Variants in DPY19L1 observed in about 807,000 individuals in gnomAD.
DPY19L1 encodes the protein dpy-19 like C-mannosyltransferase 1.
A neutral mutation model predicts 96.9 loss-of-function variants in DPY19L1; 35 were observed. That is an observed-to-expected ratio of 0.36 (90% CI 0.28 to 0.48). DPY19L1 has a LOEUF of 0.48. DPY19L1 is among the 20% of genes least tolerant of loss of function. The pLI is 0.99. For missense variants in DPY19L1, 521 were observed against 777.9 expected (o/e 0.67, Z 3.93); for synonymous variants, 205 against 252.6 (o/e 0.81, Z 1.79).
At chr7:34,982,025 T>C (rs1445907780) in intron 7 of DPY19L1, among the ~76,000 whole-genome samples, 2 of 152,148 alleles carry the variant, frequency 1.3e-5, no homozygotes, top group African/African-American at 2.4e-5. Context: ...CAAATCCAAA[T>C]TGTGAGACGT....
intron 7 of DPY19L1, among the ~76,000 whole-genome samples, chr7:34,984,646 T>G (rs1785010056): frequency 6.6e-6 from 1 of 152,208 alleles, no homozygotes; most frequent in African/African-American, 2.4e-5. Context: ...CACAAATCCA[T>G]AGACACACCA....
intron 13 of DPY19L1, among the ~76,000 whole-genome samples, chr7:34,952,698 A>C (rs1277789270): frequency 6.6e-6 from 1 of 152,168 alleles, no homozygotes; most frequent in Non-Finnish European, 1.5e-5. Context: ...GGTGAGGTTT[A>C]TCCCAGGATA....
At position 35,007,601 on chromosome 7, in the gene DPY19L1, G is replaced by C. The variant is rs543961354; in HGVS notation, c.764+2867C>G. ...ACACACACGTGTGGTGTGTGTGTGT[G>C]TGTGTGTGTATATATATATTTATAG... On this transcript the variant is annotated intron_variant, in intron 6 of 21. Coordinates refer to ENST00000638088, the MANE Select transcript of DPY19L1 (RefSeq NM_001366673.1). Among the ~76,000 whole-genome samples the C allele has an allele frequency of 7.2e-5, 10 of 139,644 alleles. No individual in the cohort carries two copies. The East Asian group carries it at 2.0e-3, about 28-fold the overall frequency. 91.6% of individuals were successfully genotyped at this position (139,644 alleles called of 152,430 possible).
At chr7:35,004,119 G>T (rs573165483) in intron 6 of DPY19L1, among the ~76,000 whole-genome samples, 28 of 152,210 alleles carry the variant, frequency 1.8e-4, no homozygotes, top group African/African-American at 5.3e-4. Context: ...CACATCTCAC[G>T]TATACCATTA....
At chr7:35,027,482 CTCTATT>C (rs1786152172) in intron 1 of DPY19L1, among the ~76,000 whole-genome samples, 1 of 151,920 alleles carries the variant, frequency 6.6e-6, no homozygotes, top group Non-Finnish European at 1.5e-5. Context: ...AAGGAATGTA[CTCTATT>C]AATAGAGATA....
chr7:34,935,419 A>G lies in DPY19L1; in HGVS notation c.2090+2575T>C, dbSNP rs191863080. On this transcript the variant is annotated intron_variant, in intron 21 of 21. Coordinates refer to ENST00000638088, the MANE Select transcript of DPY19L1 (RefSeq NM_001366673.1). ...CAACTCTATTATTGGAGTAAAAGAA[A>G]GCAGAGAACTGTAGTTAATTTAAAA... Among the ~76,000 whole-genome samples the G allele has an allele frequency of 2.4e-3, 373 of 152,348 alleles. 3 individuals carry two copies. Among genetic ancestry groups the G allele is most frequent in the African/African-American group, 8.8e-3 (364 of 41,592 alleles).
chr7:34,978,650 GC>G (rs1417802608), intron 7 of DPY19L1, among the ~76,000 whole-genome samples: 3 of 152,080 alleles, frequency 2.0e-5, no homozygotes, highest in African/African-American at 7.2e-5. Flanking sequence ...AAGCCTGGTT[GC>G]TTTCTTGGAG....
intron 3 of DPY19L1, among the ~76,000 whole-genome samples, chr7:35,016,789 A>C (rs966485496): frequency 1.3e-5 from 2 of 152,226 alleles, no homozygotes; most frequent in South Asian, 2.1e-4. Context: ...AATGTTCAGG[A>C]AACTTGGGAT....
At position 34,981,892 on chromosome 7, in the gene DPY19L1, G is replaced by A. The variant is rs186336753; in HGVS notation, c.822+7992C>T. Reference sequence around the variant, plus strand: ...TTGAACCCGGGAGGCAGAGGCTACAGTGAGCCAAAATTGTGCCACTGCACT... The same window carrying A: ...TTGAACCCGGGAGGCAGAGGCTACAATGAGCCAAAATTGTGCCACTGCACT... On this transcript the variant is annotated intron_variant, in intron 7 of 21. Coordinates refer to ENST00000638088, the MANE Select transcript of DPY19L1 (RefSeq NM_001366673.1). Among the ~76,000 whole-genome samples, 6 of 152,302 alleles carry A rather than the reference G, an allele frequency of 3.9e-5. No homozygotes were observed. The East Asian group carries it at 1.2e-3, about 29-fold the overall frequency.
intron 10 of DPY19L1, among the ~76,000 whole-genome samples, chr7:34,962,157 C>T (rs1392262315): frequency 6.6e-6 from 1 of 152,142 alleles, no homozygotes; most frequent in East Asian, 1.9e-4. Context: ...TTTACGGCAG[C>T]TTTATTCATA....
Position 34,928,954 on chromosome 7 carries a change from C to T in DPY19L1, c.*2619G>A, listed in dbSNP as rs1483672589. 6.6e-6 allele frequency: 1 copy of T among 152,110 alleles called. No homozygotes were observed. The highest frequency in any genetic ancestry group is 6.5e-5 in the Admixed American group (1 of 15,270). 9.4% of individuals were successfully genotyped at this position (152,110 alleles called of 1,614,324 possible). ...AACTGGCATAAAATTCATAAAAATA[C>T]AATACTCCTATGCAATATCACTTTA... is the stretch of plus-strand genomic sequence containing the variant. On this transcript the variant is annotated 3_prime_UTR_variant, in exon 22 of 22. Coordinates refer to ENST00000638088, the MANE Select transcript of DPY19L1 (RefSeq NM_001366673.1).
intron 7 of DPY19L1, among the ~76,000 whole-genome samples, chr7:34,982,844 G>A (rs549178258): frequency 1.3e-5 from 2 of 152,296 alleles, no homozygotes; most frequent in South Asian, 4.1e-4. Flanking sequence ...TCAGAACTCT[G>A]TGAGATCACA....
At chr7:34,952,775 C>T (rs976623159) in intron 13 of DPY19L1, among the ~76,000 whole-genome samples, 51 of 151,968 alleles carry the variant, frequency 3.4e-4, no homozygotes, top group African/African-American at 1.2e-3. Flanking sequence ...AGTGAAGAAA[C>T]TGGTAACTCC....
chr7:34,997,075 G>A (rs1276788818), intron 6 of DPY19L1, among the ~76,000 whole-genome samples: 2 of 152,156 alleles, frequency 1.3e-5, no homozygotes, highest in African/African-American at 4.8e-5. Context: ...TCTCTTAGAG[G>A]TCAGGCTGGG....
At chr7:34,950,036 G>A in intron 13 of DPY19L1, 138 bp from the exon 14 acceptor site, 2 of 490,680 alleles carry the variant, frequency 4.1e-6, no homozygotes, top group Non-Finnish European at 7.2e-6. Context: ...TGTTAAAGAA[G>A]GAAATGCTAT....
chr7:34,935,860 G>A (rs1411370840), intron 21 of DPY19L1, among the ~76,000 whole-genome samples: 1 of 152,180 alleles, frequency 6.6e-6, no homozygotes, highest in African/African-American at 2.4e-5. Context: ...CTCCCCATTT[G>A]CTTCCCTGTC....
rs1041191132 is a variant in DPY19L1 at position 35,037,437 on chromosome 7, G to A, written c.-43C>T. 1.3e-5 allele frequency: 4 copies of A among 317,674 alleles called. No homozygotes were observed. The highest frequency in any genetic ancestry group is 6.6e-5 in the African/African-American group (3 of 45,234). The allele number at this position is 317,674 out of a possible 1,614,324, so 19.7% of individuals were successfully genotyped here. On this transcript the variant is annotated 5_prime_UTR_variant, in exon 1 of 22. Transcript: ENST00000638088. ...CGCTCGCTGCGCGCGCCCGGACGGC[G>A]GCCAGAGAACGGCGGGCTGGCTGGG...
At chr7:34,936,394 G>T (rs1467828864) in intron 21 of DPY19L1, among the ~76,000 whole-genome samples, 1 of 152,050 alleles carries the variant, frequency 6.6e-6, no homozygotes, top group African/African-American at 2.4e-5. Context: ...AACTCTCAAA[G>T]GCTCATTGTT....
chr7:34,964,888 A>C (rs1331264819), intron 10 of DPY19L1, among the ~76,000 whole-genome samples: 1 of 152,186 alleles, frequency 6.6e-6, no homozygotes, highest in African/African-American at 2.4e-5. Context: ...ATTTACAACA[A>C]TGGAAACATG....
Sources: gnomAD v4.1 joint callset for allele counts (sites outside exome capture counted in the v4.1 genomes callset) on GRCh38, gnomAD v4.1.1 for gene constraint, MANE v1.5 for transcripts, NCBI Gene and HGNC (gene_info 2026-07-23, HGNC 2026-07-21) for gene names.